PLA2R1: variants seen among roughly 807,000 people sequenced by gnomAD.
PLA2R1 encodes secretory phospholipase A2 receptor.
PLA2R1 carries 158 observed loss-of-function variants against 195.9 expected under a neutral mutation model. The observed-to-expected ratio is 0.81, with a 90% CI of 0.71 to 0.92. The LOEUF (loss-of-function observed/expected upper bound fraction) is 0.92, where lower values mean the gene tolerates loss of function less well. Ranked by LOEUF, PLA2R1 falls within the 40% of genes least tolerant of loss-of-function variation. PLA2R1 has a pLI of 0.00. For missense variants in PLA2R1, 1,626 were observed against 1,764.6 expected, an observed-to-expected ratio of 0.92 and a Z score of 1.41; for synonymous variants, 586 against 598.2, an observed-to-expected ratio of 0.98 and a Z score of 0.30.
intron 11 of PLA2R1, among the ~76,000 whole-genome samples, chr2:159,990,276 T>C (rs779369911): frequency 1.1e-4 from 16 of 152,098 alleles, no homozygotes; most frequent in Admixed American, 4.6e-4. Context: ...TTCTCAGAGG[T>C]GAATCTCACA....
At chr2:160,027,950 GACTA>G (rs1693622979) in intron 6 of PLA2R1, among the ~76,000 whole-genome samples, 2 of 152,130 alleles carry the variant, frequency 1.3e-5, no homozygotes, top group Admixed American at 1.3e-4. Context: ...AATACAGAAT[GACTA>G]ACAGTGCAAA....
chr2:160,005,938 T>C (rs1475665366), intron 10 of PLA2R1, 117 bp from the exon 11 acceptor site: 4 of 717,260 alleles, frequency 5.6e-6, no homozygotes, highest in Non-Finnish European at 9.8e-6. Flanking sequence ...ATCAATTCTT[T>C]AGAACATGGA....
chr2:160,024,712 A>C (rs1439568483), intron 6 of PLA2R1, among the ~76,000 whole-genome samples: 1 of 152,154 alleles, frequency 6.6e-6, no homozygotes, highest in East Asian at 1.9e-4. Flanking sequence ...CCCTGCATCC[A>C]AGGGAAACAG....
chr2:160,059,076 A>G (rs959132745), intron 1 of PLA2R1, among the ~76,000 whole-genome samples: 3 of 152,150 alleles, frequency 2.0e-5, no homozygotes, highest in African/African-American at 7.2e-5. Flanking sequence ...CGCAACCTAG[A>G]TCTCTCACAT....
In PLA2R1 at chr2:159,984,619, G is replaced by A. The variant is rs1690197733; in HGVS notation, c.2038-546C>T. ...GGGACCTAGGGTAGCTCTATTTCTA[G>A]AGTCTTTGGATCTTAGTTGAACTGG... is the stretch of plus-strand genomic sequence containing the variant. On this transcript the variant is annotated intron_variant, in intron 12 of 29. Coordinates refer to ENST00000283243, the MANE Select transcript of PLA2R1 (RefSeq NM_007366.5). 2.0e-5 allele frequency among the ~76,000 whole-genome samples: 3 copies of A among 152,310 alleles called. No homozygotes were observed. The South Asian group carries it at 6.2e-4, about 32-fold the overall frequency.
At chr2:159,929,013 A>G (rs893626541), downstream of PLA2R1, among the ~76,000 whole-genome samples, 4 of 152,258 alleles carry the variant, frequency 2.6e-5, no homozygotes, top group Admixed American at 2.6e-4. Flanking sequence ...AAGATGAATC[A>G]AGGACTTACA....
rs947170241 is a variant in PLA2R1, at chr2:160,057,939, C to T, written c.109+4356G>A. The stretch of plus-strand genomic sequence containing the variant: ...AGGAGTGACCTTAGTCAATAAGAGG[C>T]GGGAGTTGGTGGATAAATACTTCAG... On this transcript the variant is annotated intron_variant, in intron 1 of 29. Coordinates refer to ENST00000283243, the MANE Select transcript of PLA2R1 (RefSeq NM_007366.5). Among the ~76,000 whole-genome samples, 143 of 152,214 alleles carry T rather than the reference C, an allele frequency of 9.4e-4. 1 individual carries two copies. Among genetic ancestry groups the T allele is most frequent in the Middle Eastern group, 3.4e-3 (1 of 294 alleles).
At position 159,945,056 on chromosome 2, in the gene PLA2R1, T is replaced by C; in HGVS notation, c.3994A>G (p.Thr1332Ala). Residue 1332 changes from threonine (T) to alanine (A), a missense_variant, in exon 28 of 30, where the codon ACT becomes GCT. Physicochemically the swap from Thr to Ala is moderately conservative, Grantham distance 58. Transcript: ENST00000283243. Reference protein sequence around the residue: ...NNETIKWFDGTPTDQSNWGIR... With the variant: ...NNETIKWFDGAPTDQSNWGIR... ...CCCCAGTTTGACTGGTCTGTGGGAG[T>C]TCCATCAAACCACTTTATGGTTTCA... is the stretch of plus-strand genomic sequence containing the variant. 6 of 1,612,330 alleles carry C rather than the reference T, an allele frequency of 3.7e-6. No individual in the cohort carries two copies. The highest frequency in any genetic ancestry group is 1.3e-5 in the African/African-American group (1 of 75,012).
At chr2:160,023,835 C>T (rs1244874458) in intron 6 of PLA2R1, among the ~76,000 whole-genome samples, 1 of 152,186 alleles carries the variant, frequency 6.6e-6, no homozygotes, top group Non-Finnish European at 1.5e-5. Flanking sequence ...AGTGCTGGAG[C>T]ACATCAAGGG....
In PLA2R1 at chr2:159,983,973, T is replaced by C. The variant is rs774113770; in HGVS notation, c.2138A>G (p.Glu713Gly). 6.3e-7 allele frequency: 1 copy of C among 1,599,224 alleles called. No homozygotes were observed. Among genetic ancestry groups the C allele is most frequent in the Admixed American group, 1.7e-5 (1 of 59,692 alleles). ...GAHLASFAHI[E>G]EENFVNELLH... The stretch of plus-strand genomic sequence containing the variant: ...GAGCTCATTCACAAAATTCTCTTCC[T>C]CAATATGGGCAAAGCTTGCAAGATG... Residue 713 changes from glutamate to glycine, a missense_variant, in exon 13 of 30, where the codon GAG (glutamate) becomes GGG (glycine). By Grantham distance (98) the Glu-to-Gly change is moderately conservative. Coordinates refer to ENST00000283243, the MANE Select transcript of PLA2R1 (RefSeq NM_007366.5).
At chr2:160,031,816 G>T (rs1003912491) in intron 4 of PLA2R1, among the ~76,000 whole-genome samples, 7 of 152,176 alleles carry the variant, frequency 4.6e-5, no homozygotes, top group African/African-American at 1.7e-4. Flanking sequence ...ACCCAGGCTG[G>T]AGTGCAATGG....
chr2:159,930,881 G>T (rs1457330534), downstream of PLA2R1, among the ~76,000 whole-genome samples: 1 of 152,182 alleles, frequency 6.6e-6, no homozygotes, highest in Non-Finnish European at 1.5e-5. Context: ...CAGCACCTCC[G>T]TGATTTCCTT....
chr2:159,955,779 A>G lies in PLA2R1; in HGVS notation c.3072T>C (p.Gly1024=). ...ATGTTTCATAATCATCATTTTGTAA[A>G]CCTATCCACACACTGGTGGTCTGGC... ...LFGQTTSVWI[G]LQNDDYETWL... is the part of the protein sequence containing the mutation. Residue 1024 remains glycine, a synonymous_variant, in exon 22 of 30, where the codon GGT becomes GGC. Transcript: ENST00000283243. 6.3e-7 allele frequency: 1 copy of G among 1,595,726 alleles called. No individual in the cohort carries two copies. The highest frequency in any genetic ancestry group is 1.1e-5 in the South Asian group (1 of 89,922).
At chr2:160,047,418 T>A (rs1478429148) in intron 1 of PLA2R1, among the ~76,000 whole-genome samples, 2 of 152,222 alleles carry the variant, frequency 1.3e-5, no homozygotes, top group African/African-American at 4.8e-5. Flanking sequence ...TGGTTGAACC[T>A]ACAGAGTGCT....
At chr2:159,927,988 A>G (rs955319801), downstream of PLA2R1, among the ~76,000 whole-genome samples, 2 of 152,236 alleles carry the variant, frequency 1.3e-5, no homozygotes, top group African/African-American at 2.4e-5. Flanking sequence ...CTACCATGTA[A>G]TAAGAGAGAT....
rs753725234 is a variant in PLA2R1, at chr2:160,013,281, A to C, written c.1646T>G (p.Leu549Arg). ...AATTTACCTGTTTGTAATGGTTACA[A>C]GTGCAGGAGGACAGTAATAACCGCT... ...ASSGYYCPPA[L>R]VTITNRFEQA... The change falls in exon 10 of 30, where the codon CTT (leucine) becomes CGT (arginine). Residue 549 changes from leucine (L) to arginine (R), a missense_variant. Physicochemically the swap from Leu to Arg is moderately radical, Grantham distance 102. Coordinates refer to ENST00000283243, the MANE Select transcript of PLA2R1 (RefSeq NM_007366.5). 4.4e-6 allele frequency: 7 copies of C among 1,595,544 alleles called. No homozygotes were observed.
At position 160,053,348 on chromosome 2, in the gene PLA2R1, T is replaced by TG. The variant is rs5835790; in HGVS notation, c.110-8192dup. Among the ~76,000 whole-genome samples the TG allele has an allele frequency of 3.1e-3, 433 of 139,556 alleles. 1 individual carries two copies. The highest frequency in any genetic ancestry group is 0.011 in the Middle Eastern group (3 of 268). The allele number at this position is 139,556 out of a possible 152,430, so 91.6% of individuals were successfully genotyped here. ...AAGTCTCATTTTTATACGAATTTGG[T>TG]GGGGGGGGGGGGAACAATTCAGATC... On this transcript the variant is annotated intron_variant, in intron 1 of 29. Transcript: ENST00000283243.
chr2:159,997,459 A>G (rs913481732), intron 11 of PLA2R1, among the ~76,000 whole-genome samples: 1 of 152,064 alleles, frequency 6.6e-6, no homozygotes, highest in Non-Finnish European at 1.5e-5. Context: ...CCTTGTTAAG[A>G]ACAGAATGCT....
intron 11 of PLA2R1, 68 bp from the exon 12 acceptor site, chr2:159,987,426 T>C (rs560209381): frequency 1.8e-5 from 20 of 1,090,530 alleles, no homozygotes; most frequent in East Asian, 7.7e-5. Flanking sequence ...AAGACTGCTC[T>C]TTAGAGTGTT....
Sources: gnomAD v4.1 joint callset for allele counts (sites outside exome capture counted in the v4.1 genomes callset) on GRCh38, gnomAD v4.1.1 for gene constraint, MANE v1.5 for transcripts, NCBI Gene and HGNC (gene_info 2026-07-23, HGNC 2026-07-21) for gene names.